TPD52L1: variants seen among roughly 807,000 people sequenced by gnomAD.
TPD52L1 encodes tumor protein D53.
TPD52L1 carries 18 observed loss-of-function variants against 28.7 expected under a neutral mutation model. That is an observed-to-expected ratio of 0.63 (90% CI 0.43 to 0.93). TPD52L1 has a LOEUF of 0.93. TPD52L1 is among the 40% of genes least tolerant of loss of function. The probability of loss-of-function intolerance (pLI) is 0.00; values close to 1 mark genes in which losing one functional copy is unlikely to be tolerated. For synonymous variants in TPD52L1, 75 were observed against 88.8 expected (o/e 0.84, Z 0.88); for missense variants, 203 against 254.8 (o/e 0.80, Z 1.39).
intron 1 of TPD52L1, among the ~76,000 whole-genome samples, chr6:125,175,503 A>C (rs1791768920): frequency 6.6e-6 from 1 of 152,192 alleles, no homozygotes; most frequent in Non-Finnish European, 1.5e-5. Flanking sequence ...CAAGTGTGTC[A>C]ACATAAAGAT....
chr6:125,262,712 T>A, intron 6 of TPD52L1, 122 bp from the exon 7 acceptor site: 1 of 1,307,724 alleles, frequency 7.6e-7, no homozygotes, highest in Non-Finnish European at 1.0e-6. Context: ...TGCATTCTTT[T>A]GTCTCTAAAG....
intron 1 of TPD52L1, among the ~76,000 whole-genome samples, chr6:125,207,717 T>A (rs1794238843): frequency 6.6e-6 from 1 of 152,200 alleles, no homozygotes; most frequent in Non-Finnish European, 1.5e-5. Flanking sequence ...TCACCCTCCA[T>A]GGGACTTGGT....
chr6:125,247,815 A>C (rs1191360466), intron 3 of TPD52L1, among the ~76,000 whole-genome samples: 1 of 152,232 alleles, frequency 6.6e-6, no homozygotes, highest in East Asian at 1.9e-4. Context: ...AGTAAGCTAA[A>C]TAACTAGCTG....
intron 1 of TPD52L1, among the ~76,000 whole-genome samples, chr6:125,180,168 A>G (rs482263): frequency 0.42 from 63,042 of 151,876 alleles, 14,854 homozygotes; most frequent in African/African-American, 0.65. Context: ...GAGTCCTCAA[A>G]TGTCTCACTT....
intron 3 of TPD52L1, among the ~76,000 whole-genome samples, chr6:125,233,073 A>G (rs971506757): frequency 2.6e-5 from 4 of 152,266 alleles, no homozygotes; most frequent in African/African-American, 9.6e-5. Flanking sequence ...GGCTTCATGT[A>G]TTCAACAAGT....
intron 1 of TPD52L1, among the ~76,000 whole-genome samples, chr6:125,172,154 T>TTC (rs1283166064): frequency 3.9e-5 from 2 of 50,704 alleles, no homozygotes; most frequent in Non-Finnish European, 7.8e-5. Context: ...CTTTCTTTCT[T>TTC]TCTTTTCTTT....
chr6:125,187,355 TC>T (rs1406197051), intron 1 of TPD52L1, among the ~76,000 whole-genome samples: 1 of 152,252 alleles, frequency 6.6e-6, no homozygotes, highest in Non-Finnish European at 1.5e-5. Context: ...ATTACTACAC[TC>T]TTTTTGGAAA....
chr6:125,206,652 C>A (rs1048172796), intron 1 of TPD52L1, among the ~76,000 whole-genome samples: 3 of 152,132 alleles, frequency 2.0e-5, no homozygotes, highest in African/African-American at 7.2e-5. Context: ...CACTTACAGC[C>A]AGCTATGGAG....
intron 1 of TPD52L1, among the ~76,000 whole-genome samples, chr6:125,185,855 G>A (rs1792573798): frequency 6.7e-6 from 1 of 150,140 alleles, no homozygotes; most frequent in African/African-American, 2.4e-5. Flanking sequence ...AGAAATTCTA[G>A]AAGATAGAGA....
intron 5 of TPD52L1, among the ~76,000 whole-genome samples, chr6:125,255,678 C>G (rs540761623): frequency 6.6e-6 from 1 of 151,970 alleles, no homozygotes; most frequent in African/African-American, 2.4e-5. Context: ...ATAATGAAAC[C>G]TATATTCTAT....
intron 1 of TPD52L1, among the ~76,000 whole-genome samples, chr6:125,218,886 A>C (rs985871537): frequency 2.0e-5 from 3 of 152,204 alleles, no homozygotes; most frequent in Non-Finnish European, 4.4e-5. Context: ...GGGTGAGAAA[A>C]ATGGAATTTA....
At chr6:125,208,611 G>C (rs1048643789) in intron 1 of TPD52L1, among the ~76,000 whole-genome samples, 1 of 152,112 alleles carries the variant, frequency 6.6e-6, no homozygotes, top group African/African-American at 2.4e-5. Flanking sequence ...CTTATTGGTG[G>C]CTCCAGGCAC....
rs192371615 is a variant in TPD52L1, at chr6:125,204,525, G to C, written c.20-15553G>C. Reference sequence around the variant, plus strand: ...GACGGAGTCTCACTCTGTCGCCCAGGCTGGAGTGCAGTGGGGCGATCTCGG... The same window carrying C: ...GACGGAGTCTCACTCTGTCGCCCAGCCTGGAGTGCAGTGGGGCGATCTCGG... On this transcript the variant is annotated intron_variant, in intron 1 of 6. Coordinates refer to ENST00000534000, the MANE Select transcript of TPD52L1 (RefSeq NM_003287.4). 6.8e-3 allele frequency among the ~76,000 whole-genome samples: 1,031 copies of C among 152,014 alleles called. 9 individuals carry two copies. Among genetic ancestry groups the C allele is most frequent in the South Asian group, 0.021 (102 of 4,802 alleles).
chr6:125,154,032 T>G lies in TPD52L1; in HGVS notation c.19+62T>G, dbSNP rs1582813838. The G allele has an allele frequency of 1.9e-6, 3 of 1,561,678 alleles. No individual in the cohort carries two copies. In the East Asian group the frequency reaches 7.1e-5, roughly 37 times the overall value. On this transcript the variant is annotated intron_variant, in intron 1 of 6. Coordinates refer to ENST00000534000, the MANE Select transcript of TPD52L1 (RefSeq NM_003287.4). ...GGGGCGCGCATAAAGGCTCTTTTCCTGCACCACCTAACTTCGCTCTCGGAC... is the reference window on the plus strand; with the variant it reads ...GGGGCGCGCATAAAGGCTCTTTTCCGGCACCACCTAACTTCGCTCTCGGAC...
chr6:125,240,994 T>C (rs192823555), intron 3 of TPD52L1, among the ~76,000 whole-genome samples: 2 of 152,238 alleles, frequency 1.3e-5, no homozygotes, highest in East Asian at 1.9e-4. Flanking sequence ...TCTTGAAATA[T>C]GTCCCTTCTA....
chr6:125,188,088 T>A (rs1332941819), intron 1 of TPD52L1, among the ~76,000 whole-genome samples: 1 of 152,124 alleles, frequency 6.6e-6, no homozygotes, highest in Non-Finnish European at 1.5e-5. Flanking sequence ...TGAATGGGAG[T>A]ATCCCATAGT....
chr6:125,157,245 G>T (rs753320519), intron 1 of TPD52L1, among the ~76,000 whole-genome samples: 2 of 152,168 alleles, frequency 1.3e-5, no homozygotes, highest in African/African-American at 4.8e-5. Flanking sequence ...CTGATGAGTT[G>T]TACCTCATAT....
chr6:125,253,846 T>A, intron 5 of TPD52L1, 91 bp downstream of exon 5: 2 of 1,236,378 alleles, frequency 1.6e-6, no homozygotes, highest in Middle Eastern at 1.9e-4. Flanking sequence ...TTCCTCTGCT[T>A]TATGTGAAAG....
chr6:125,178,794 C>A lies in TPD52L1; in HGVS notation c.19+24824C>A, dbSNP rs140446527. On this transcript the variant is annotated intron_variant, in intron 1 of 6. Transcript: ENST00000534000. ...TAGGATTAATACTCTGCACAAAGAC[C>A]TTATTAATTAATTTAGGCTACTTCC... Among the ~76,000 whole-genome samples the A allele has an allele frequency of 1.2e-4, 18 of 152,184 alleles. No individual in the cohort carries two copies. The East Asian group carries it at 3.5e-3, about 29-fold the overall frequency.
Sources: gnomAD v4.1 joint callset for allele counts (sites outside exome capture counted in the v4.1 genomes callset) on GRCh38, gnomAD v4.1.1 for gene constraint, MANE v1.5 for transcripts, NCBI Gene and HGNC (gene_info 2026-07-23, HGNC 2026-07-21) for gene names.